The following LRRC31 variants were observed in gnomAD, a reference collection of about 807,000 sequenced individuals.
LRRC31 encodes leucine-rich repeat-containing protein 31.
LRRC31 carries 35 observed loss-of-function variants against 46.7 expected under a neutral mutation model. The observed-to-expected ratio is 0.75, with a 90% CI of 0.57 to 0.99. The LOEUF (loss-of-function observed/expected upper bound fraction) is 0.99. Among genes scored for constraint, LRRC31 ranks in the 50% least tolerant of loss-of-function variants. LRRC31 has a pLI of 0.00. For missense variants in LRRC31, 613 were observed against 626.1 expected, an observed-to-expected ratio of 0.98 and a Z score of 0.22; for synonymous variants, 236 against 235.1, an observed-to-expected ratio of 1.00 and a Z score of -0.03.
At position 169,853,348 on chromosome 3, in the gene LRRC31, A is replaced by G. The variant is rs1432700268; in HGVS notation, c.991+1465T>C. 5 of 985,326 alleles carry G rather than the reference A, an allele frequency of 5.1e-6. No individual in the cohort carries two copies. In the East Asian group the frequency reaches 3.4e-4, roughly 67 times the overall value. The allele number at this position is 985,326 out of a possible 1,614,324, so 61.0% of individuals were successfully genotyped here. On this transcript the variant is annotated intron_variant, in intron 6 of 8. Coordinates refer to ENST00000316428, the MANE Select transcript of LRRC31 (RefSeq NM_024727.4). The stretch of plus-strand genomic sequence containing the variant: ...GTATTTTCATTTCCATCTTTTCAGA[A>G]TTAAGCAGAAGGAAAGCAATGCAAT...
chr3:169,869,548 A>C lies in LRRC31; in HGVS notation c.175+85T>G. ...ATATATACACCTACTATGTACCCAC[A>C]AAAATTAAAAATAAAAATATTTTAA... On this transcript the variant is annotated intron_variant, in intron 1 of 8. Transcript: ENST00000316428. 2 of 1,297,260 alleles carry C rather than the reference A, an allele frequency of 1.5e-6. 1 individual carries two copies. Among genetic ancestry groups the C allele is most frequent in the South Asian group, 3.6e-5 (2 of 55,740 alleles). 80.4% of individuals were successfully genotyped at this position (1,297,260 alleles called of 1,614,324 possible).
chr3:169,855,379 G>A (rs1425105418), intron 5 of LRRC31, among the ~76,000 whole-genome samples: 3 of 152,170 alleles, frequency 2.0e-5, no homozygotes, highest in African/African-American at 7.2e-5. Flanking sequence ...AATAAGTGTA[G>A]ACTTCCTACC....
At position 169,861,743 on chromosome 3, in the gene LRRC31, C is replaced by T. The variant is rs771647779; in HGVS notation, c.246G>A (p.Leu82=). Residue 82 remains leucine (L), a synonymous_variant, in exon 2 of 9, where the codon CTG becomes CTA. Coordinates refer to ENST00000316428, the MANE Select transcript of LRRC31 (RefSeq NM_024727.4). ...MEKNEHFLQK[L]GKKAVNKCLD... ...GACACTTGTTGACAGCCTTTTTGCC[C>T]AGCTTCTGCAGGAAATGCTCATTTT... 64 of 1,614,002 alleles carry T rather than the reference C, an allele frequency of 4.0e-5. No individual in the cohort carries two copies. The East Asian group carries it at 1.4e-3, about 35-fold the overall frequency.
At chr3:169,864,012 G>GTGTC (rs965446845) in intron 1 of LRRC31, among the ~76,000 whole-genome samples, 1 of 151,180 alleles carries the variant, frequency 6.6e-6, no homozygotes, top group African/African-American at 2.5e-5. Flanking sequence ...GTGTGTGTGT[G>GTGTC]TGTGTGTGTG....
At chr3:169,867,382 C>T (rs779452880) in intron 1 of LRRC31, among the ~76,000 whole-genome samples, 5 of 151,642 alleles carry the variant, frequency 3.3e-5, no homozygotes, top group Non-Finnish European at 5.9e-5. Flanking sequence ...CTCAGCCTCC[C>T]GAGTAGCTGG....
chr3:169,841,532 C>G (rs570930511), intron 8 of LRRC31, among the ~76,000 whole-genome samples: 1 of 152,134 alleles, frequency 6.6e-6, no homozygotes, highest in African/African-American at 2.4e-5. Flanking sequence ...CTTCCTGTCT[C>G]GCAACATTAA....
intron 7 of LRRC31, among the ~76,000 whole-genome samples, chr3:169,849,666 C>A (rs1780699894): frequency 6.6e-6 from 1 of 152,180 alleles, no homozygotes; most frequent in African/African-American, 2.4e-5. Flanking sequence ...GCAAGACCCT[C>A]CCAAAGTACT....
intron 6 of LRRC31, among the ~76,000 whole-genome samples, chr3:169,852,195 G>A (rs1414670553): frequency 2.7e-5 from 4 of 150,058 alleles, no homozygotes; most frequent in Non-Finnish European, 5.9e-5. Context: ...TCAGGAGATC[G>A]AGACCATCCT....
At position 169,848,280 on chromosome 3, in the gene LRRC31, G is replaced by A. The variant is rs779397554; in HGVS notation, c.1167C>T (p.Ala389=). ...ESETFTALAE[A]SVHLSALEVF... is the part of the protein sequence containing the mutation. The stretch of plus-strand genomic sequence containing the variant: ...CTTCCAGAGCAGAGAGGTGAACAGA[G>A]GCTTCAGCTAAAAGTGATAACAATA... Residue 389 remains alanine (A), a synonymous_variant, in exon 8 of 9, where the codon GCC becomes GCT. Transcript: ENST00000316428. The A allele has an allele frequency of 1.6e-5, 26 of 1,613,758 alleles. No individual in the cohort carries two copies. The highest frequency in any genetic ancestry group is 2.2e-5 in the Non-Finnish European group (26 of 1,179,828).
chr3:169,856,066 A>G (rs1190410462), intron 5 of LRRC31, among the ~76,000 whole-genome samples: 1 of 151,694 alleles, frequency 6.6e-6, no homozygotes, highest in East Asian at 1.9e-4. Flanking sequence ...TATTTTTAGT[A>G]GAGATGGGGT....
Position 169,869,635 on chromosome 3 carries a change from G to A in LRRC31, c.173C>T (p.Thr58Ile), listed in dbSNP as rs113189539. 9,861 of 1,595,320 alleles carry A rather than the reference G, an allele frequency of 6.2e-3. 65 individuals carry two copies. The highest frequency in any genetic ancestry group is 7.7e-3 in the Non-Finnish European group (9,067 of 1,172,486). The change falls in exon 1 of 9, where the codon ACT becomes ATT. Residue 58 changes from threonine (T) to isoleucine (I), a missense_variant and splice_region_variant. Coordinates refer to ENST00000316428, the MANE Select transcript of LRRC31 (RefSeq NM_024727.4). ...DWIQKTATSE[T>I]AKPLSSEMEW... ...AACACCAGCAGCCAGCAGCTTACCA[G>A]TCTCTGAGGTGGCTGTCTTCTGTAT...
chr3:169,864,331 C>G (rs556869152), intron 1 of LRRC31, among the ~76,000 whole-genome samples: 1 of 152,306 alleles, frequency 6.6e-6, no homozygotes, highest in South Asian at 2.1e-4. Context: ...CAACAATAAC[C>G]TACAAACTGA....
chr3:169,844,412 A>G (rs1226815834), intron 8 of LRRC31, among the ~76,000 whole-genome samples: 1 of 152,170 alleles, frequency 6.6e-6, no homozygotes, highest in African/African-American at 2.4e-5. Context: ...TCGTTATAAG[A>G]ACTCTTAGCA....
intron 8 of LRRC31, among the ~76,000 whole-genome samples, chr3:169,845,610 A>G (rs567929833): frequency 2.8e-4 from 42 of 152,312 alleles, no homozygotes; most frequent in African/African-American, 9.9e-4. Flanking sequence ...TGGAGAATGG[A>G]TAGTCTTTTC....
At chr3:169,864,001 A>AGTGTGTGTGTGTGTGTGTGTGTGTGT (rs35795931) in intron 1 of LRRC31, among the ~76,000 whole-genome samples, 8 of 148,720 alleles carry the variant, frequency 5.4e-5, no homozygotes, top group African/African-American at 1.5e-4. Flanking sequence ...TCCAAAGCCT[A>AGTGTGTGTGTGTGTGTGTGTGTGTGT]GTGTGTGTGT....
chr3:169,843,794 C>A (rs1191632131), intron 8 of LRRC31, among the ~76,000 whole-genome samples: 1 of 152,102 alleles, frequency 6.6e-6, no homozygotes, highest in East Asian at 1.9e-4. Context: ...TCACTATGGG[C>A]AGTAAAAGGA....
At chr3:169,853,488 G>T (rs779565448) in intron 6 of LRRC31, 2 of 985,620 alleles carry the variant, frequency 2.0e-6, no homozygotes, top group Non-Finnish European at 1.2e-6. Context: ...AACAATTGAG[G>T]TTCTCCAGCA....
chr3:169,853,324 T>C, intron 6 of LRRC31: 1 of 985,318 alleles, frequency 1.0e-6, no homozygotes, highest in African/African-American at 1.7e-5. Flanking sequence ...AAGCAGGATG[T>C]ATTTTCATTT....
At chr3:169,848,895 T>C (rs1780680174) in intron 7 of LRRC31, among the ~76,000 whole-genome samples, 1 of 152,228 alleles carries the variant, frequency 6.6e-6, no homozygotes, top group Non-Finnish European at 1.5e-5. Context: ...CTTGGACAGC[T>C]AGTCAAGATT....
Sources: allele counts gnomAD v4.1 joint callset (sites outside exome capture counted in the v4.1 genomes callset), GRCh38; gene constraint gnomAD v4.1.1; transcripts MANE v1.5; gene names NCBI Gene and HGNC (gene_info 2026-07-23, HGNC 2026-07-21).